The following ANAPC10 variants were observed in gnomAD, a reference collection of about 807,000 sequenced individuals.
ANAPC10 encodes anaphase-promoting complex subunit 10.
ANAPC10 carries 12 observed loss-of-function variants against 22.0 expected under a neutral mutation model. That is an observed-to-expected ratio of 0.55 (90% confidence interval 0.35 to 0.88). The LOEUF (loss-of-function observed/expected upper bound fraction) is 0.88. ANAPC10 is among the 40% of genes least tolerant of loss of function. The pLI, the probability that ANAPC10 is intolerant of heterozygous loss-of-function variation, is 0.01. For missense variants in ANAPC10, 188 were observed against 220.9 expected, an observed-to-expected ratio of 0.85 and a Z score of 0.94; for synonymous variants, 65 against 69.5, an observed-to-expected ratio of 0.94 and a Z score of 0.32.
intron 4 of ANAPC10, among the ~76,000 whole-genome samples, chr4:145,021,690 C>T (rs1052180178): frequency 3.3e-5 from 5 of 152,096 alleles, no homozygotes; most frequent in Non-Finnish European, 5.9e-5. Context: ...CTTAATTAAA[C>T]TAAAGAGCTT....
At chr4:145,009,421 C>T (rs940679340) in intron 4 of ANAPC10, among the ~76,000 whole-genome samples, 4 of 151,188 alleles carry the variant, frequency 2.6e-5, no homozygotes, top group Non-Finnish European at 4.4e-5. Flanking sequence ...CACGCTACTT[C>T]ACTTCAAAAT....
rs1734274318 is a variant in ANAPC10 at position 145,011,336 on chromosome 4, A to AAAAATAAAATGAAAT, written c.328-15734_328-15733insATTTCATTTTATTTT. On this transcript the variant is annotated intron_variant, in intron 4 of 4. Coordinates refer to ENST00000507656, the MANE Select transcript of ANAPC10 (RefSeq NM_001256706.2). ...TGGATGACAGAATGAGACTGTCTTA[A>AAAAATAAAATGAAAT]AAAATAAAATAAAATAAAATAAAAT... is the stretch of plus-strand genomic sequence containing the variant. Among the ~76,000 whole-genome samples, 2 of 130,076 alleles carry AAAAATAAAATGAAAT rather than the reference A, an allele frequency of 1.5e-5. 1 individual carries two copies. Among genetic ancestry groups the AAAAATAAAATGAAAT allele is most frequent in the South Asian group, 5.3e-4 (2 of 3,768 alleles). The allele number at this position is 130,076 out of a possible 152,430, so 85.3% of individuals were successfully genotyped here.
At chr4:145,096,423 C>A (rs1049247013) in intron 1 of ANAPC10, among the ~76,000 whole-genome samples, 2 of 152,030 alleles carry the variant, frequency 1.3e-5, no homozygotes, top group Non-Finnish European at 2.9e-5. Flanking sequence ...CTTAGGAATT[C>A]AGGTTTTGTT....
chr4:145,007,125 C>G (rs924593603), intron 4 of ANAPC10, among the ~76,000 whole-genome samples: 2 of 152,084 alleles, frequency 1.3e-5, no homozygotes, highest in Non-Finnish European at 2.9e-5. Flanking sequence ...TACGGGAGCA[C>G]CCAGATTCAT....
chr4:145,013,030 G>A (rs955035869), intron 4 of ANAPC10, among the ~76,000 whole-genome samples: 2 of 152,078 alleles, frequency 1.3e-5, no homozygotes, highest in African/African-American at 4.8e-5. Context: ...CATGTAAAAT[G>A]TGCCTGCTTC....
At position 145,013,816 on chromosome 4, in the gene ANAPC10, C is replaced by G. The variant is rs569596378; in HGVS notation, c.328-18213G>C. Among the ~76,000 whole-genome samples the G allele has an allele frequency of 3.3e-5, 5 of 152,268 alleles. No individual in the cohort carries two copies. In the East Asian group the frequency reaches 9.6e-4, roughly 29 times the overall value. ...CTCCACCCCCAAGCACACACTCCTA[C>G]TGGGGAAACTGAAGGTCTCATTTGA... On this transcript the variant is annotated intron_variant, in intron 4 of 4. Coordinates refer to ENST00000507656, the MANE Select transcript of ANAPC10 (RefSeq NM_001256706.2).
chr4:145,075,175 C>T (rs774308600), intron 3 of ANAPC10, among the ~76,000 whole-genome samples: 33 of 152,216 alleles, frequency 2.2e-4, no homozygotes, highest in Non-Finnish European at 3.7e-4. Flanking sequence ...TTTTTAGCAA[C>T]CACATCACAC....
intron 2 of ANAPC10, among the ~76,000 whole-genome samples, chr4:145,086,279 T>A (rs1458786874): frequency 1.3e-5 from 2 of 152,146 alleles, no homozygotes; most frequent in African/African-American, 4.8e-5. Flanking sequence ...TGTTTTAATT[T>A]AAACAAAAGA....
intron 4 of ANAPC10, among the ~76,000 whole-genome samples, chr4:145,057,509 G>T (rs549512687): frequency 6.6e-6 from 1 of 152,064 alleles, no homozygotes; most frequent in South Asian, 2.1e-4. Flanking sequence ...GCATCTTCAT[G>T]GTTCCAGCCC....
At position 145,081,648 on chromosome 4, in the gene ANAPC10, T is replaced by TAATA; in HGVS notation, c.206+11_206+12insTATT. ...CTACAGTAGATGAAAAATTTGAAAA[T>TAATA]GTATTAATTACCTGAATTGGATGTT... On this transcript the variant is annotated intron_variant, in intron 3 of 4. Transcript: ENST00000507656. 1 of 1,575,032 alleles carries TAATA rather than the reference T, an allele frequency of 6.3e-7. No homozygotes were observed. The highest frequency in any genetic ancestry group is 1.2e-5 in the South Asian group (1 of 86,368).
intron 4 of ANAPC10, among the ~76,000 whole-genome samples, chr4:145,008,418 A>G (rs185129097): frequency 1.3e-5 from 2 of 152,344 alleles, no homozygotes; most frequent in African/African-American, 4.8e-5. Flanking sequence ...CCTGATGAAC[A>G]TCGGTGCAAA....
At chr4:145,038,386 G>A (rs993807568) in intron 4 of ANAPC10, among the ~76,000 whole-genome samples, 3 of 152,106 alleles carry the variant, frequency 2.0e-5, no homozygotes, top group African/African-American at 4.8e-5. Flanking sequence ...GGTGGTGCAC[G>A]CCTGTAATCC....
intron 3 of ANAPC10, among the ~76,000 whole-genome samples, chr4:145,070,206 A>G (rs1040729227): frequency 2.0e-5 from 3 of 152,216 alleles, no homozygotes; most frequent in Non-Finnish European, 2.9e-5. Context: ...TGTAAATAAA[A>G]TTTTATTGAA....
At chr4:145,030,649 G>T (rs562018141) in intron 4 of ANAPC10, among the ~76,000 whole-genome samples, 1 of 152,340 alleles carries the variant, frequency 6.6e-6, no homozygotes, top group South Asian at 2.1e-4. Flanking sequence ...GTGCCAGAAT[G>T]CATAATTGGC....
At chr4:145,093,208 AG>A (rs1747952510) in intron 2 of ANAPC10, among the ~76,000 whole-genome samples, 1 of 152,222 alleles carries the variant, frequency 6.6e-6, no homozygotes. Context: ...TAGAAAAATA[AG>A]AAAATGTCTC....
intron 2 of ANAPC10, among the ~76,000 whole-genome samples, chr4:145,085,234 G>C (rs1380193653): frequency 1.3e-5 from 2 of 151,974 alleles, no homozygotes; most frequent in Non-Finnish European, 2.9e-5. Flanking sequence ...TCTAGCCTGG[G>C]CAACAGTGCG....
intron 2 of ANAPC10, among the ~76,000 whole-genome samples, chr4:145,084,266 G>A (rs1163481309): frequency 6.6e-6 from 1 of 152,182 alleles, no homozygotes; most frequent in African/African-American, 2.4e-5. Context: ...GAGAAAATGA[G>A]TTTTGCATTG....
chr4:145,069,217 A>G (rs1264467725), intron 3 of ANAPC10, among the ~76,000 whole-genome samples: 1 of 152,206 alleles, frequency 6.6e-6, no homozygotes, highest in Non-Finnish European at 1.5e-5. Context: ...GAGAGAAAGA[A>G]AATAAATGAG....
intron 4 of ANAPC10, among the ~76,000 whole-genome samples, chr4:145,004,179 T>C (rs530694873): frequency 6.6e-6 from 1 of 152,280 alleles, no homozygotes; most frequent in South Asian, 2.1e-4. Flanking sequence ...CTGATTTTTG[T>C]ACACTGGTTT....
Sources: allele counts gnomAD v4.1 joint callset (sites outside exome capture counted in the v4.1 genomes callset), GRCh38; gene constraint gnomAD v4.1.1; transcripts MANE v1.5; gene names NCBI Gene and HGNC (gene_info 2026-07-23, HGNC 2026-07-21).